The following PRKDC variants were observed in gnomAD, a reference collection of about 807,000 sequenced individuals.
The protein encoded by PRKDC is protein kinase, DNA-activated, catalytic subunit, also known as DNA-dependent protein kinase catalytic subunit.
PRKDC carries 82 observed loss-of-function variants against 486.9 expected under a neutral mutation model. The observed-to-expected ratio is 0.17, with a 90% CI of 0.14 to 0.20. PRKDC has a LOEUF of 0.20. PRKDC is among the 10% of genes least tolerant of loss of function. The pLI is 1.00. For missense variants in PRKDC, 4,504 were observed against 5,038.2 expected, an observed-to-expected ratio of 0.89 and a Z score of 3.21; for synonymous variants, 1,895 against 1,837.0, an observed-to-expected ratio of 1.03 and a Z score of -0.81.
chr8:47,855,725 C>T (rs912914316), intron 49 of PRKDC, among the ~76,000 whole-genome samples: 1 of 152,166 alleles, frequency 6.6e-6, no homozygotes, highest in Non-Finnish European at 1.5e-5. Flanking sequence ...AGGTGCTTTC[C>T]CCACTCCGAC....
At chr8:47,957,088 A>C in intron 3 of PRKDC, 83 bp downstream of exon 3, 1 of 931,330 alleles carries the variant, frequency 1.1e-6, no homozygotes, top group Non-Finnish European at 1.6e-6. Flanking sequence ...TTTATCTTTA[A>C]AATAAAAATC....
At chr8:47,945,522 T>C (rs1390487440) in intron 7 of PRKDC, among the ~76,000 whole-genome samples, 2 of 152,322 alleles carry the variant, frequency 1.3e-5, no homozygotes, top group African/African-American at 4.8e-5. Context: ...CGTGGCTGGC[T>C]TATTCCACTT....
chr8:47,952,695 TAAAAAGAAAA>T (rs1563821904), intron 7 of PRKDC, among the ~76,000 whole-genome samples: 1 of 149,862 alleles, frequency 6.7e-6, no homozygotes, highest in East Asian at 2.0e-4. Context: ...GTCTCAATTA[TAAAAAGAAAA>T]AAAAAGAATT....
intron 23 of PRKDC, among the ~76,000 whole-genome samples, chr8:47,914,735 A>G (rs1411923356): frequency 1.3e-5 from 2 of 150,486 alleles, no homozygotes; most frequent in Admixed American, 1.3e-4. Flanking sequence ...TGGGAGGCGG[A>G]GGTTGCAGTG....
intron 60 of PRKDC, among the ~76,000 whole-genome samples, chr8:47,831,187 C>T (rs902666254): frequency 6.6e-6 from 1 of 152,154 alleles, no homozygotes; most frequent in African/African-American, 2.4e-5. Context: ...CGGGAGGCCT[C>T]AGGCTCCACA....
At chr8:47,957,560 G>T (rs2090726321) in intron 1 of PRKDC, 129 bp from the exon 2 acceptor site, 4 of 735,208 alleles carry the variant, frequency 5.4e-6, no homozygotes, top group Non-Finnish European at 8.6e-6. Context: ...GCCCAGGCTG[G>T]AGTGCAGCGG....
At chr8:47,948,542 C>T (rs1366957242) in intron 7 of PRKDC, among the ~76,000 whole-genome samples, 4 of 151,288 alleles carry the variant, frequency 2.6e-5, no homozygotes, top group African/African-American at 4.9e-5. Flanking sequence ...TCACTGCAAC[C>T]TCCGCCTCCC....
At chr8:47,939,721 T>G in intron 10 of PRKDC, 24 bp from the exon 11 acceptor site, 1 of 1,528,710 alleles carries the variant, frequency 6.5e-7, no homozygotes, top group South Asian at 1.2e-5. Flanking sequence ...ATATTTATTT[T>G]TTTGGAAATA....
chr8:47,941,733 C>T lies in PRKDC; in HGVS notation c.966+1476G>A, dbSNP rs552995826. Among the ~76,000 whole-genome samples, 44 of 152,352 alleles carry T rather than the reference C, an allele frequency of 2.9e-4. No homozygotes were observed. The South Asian group carries it at 7.9e-3, about 27-fold the overall frequency. Reference sequence around the variant, plus strand: ...ATATTGCAAACTCCCAAACTTGCAACAGGCATCAGCCCTGAGGGCAGCATT... The same window carrying T: ...ATATTGCAAACTCCCAAACTTGCAATAGGCATCAGCCCTGAGGGCAGCATT... On this transcript the variant is annotated intron_variant, in intron 10 of 85. Transcript: ENST00000314191.
rs1404191059 is a variant in PRKDC at position 47,820,883 on chromosome 8, C to T, written c.9172G>A (p.Asp3058Asn). 6.2e-7 allele frequency: 1 copy of T among 1,610,364 alleles called. No individual in the cohort carries two copies. Among genetic ancestry groups the T allele is most frequent in the Non-Finnish European group, 8.5e-7 (1 of 1,177,694 alleles). ...TCAATAAATGTCAGCAGGGACTGGT[C>T]AGCCTCTCCCTGGAGCAGCAGCTTC... ...KLKLLLQGEA[D>N]QSLLTFIDKA... The change falls in exon 66 of 86, where the codon GAC becomes AAC. Residue 3058 changes from aspartate (D) to asparagine (N), a missense_variant. By Grantham distance (23) the Asp-to-Asn change is conservative (BLOSUM62 1). Transcript: ENST00000314191.
At chr8:47,876,450 T>A (rs1054603416) in intron 40 of PRKDC, among the ~76,000 whole-genome samples, 2 of 152,026 alleles carry the variant, frequency 1.3e-5, no homozygotes, top group Non-Finnish European at 2.9e-5. Context: ...TCATTTGAGG[T>A]CAGGAGTTCG....
At chr8:47,829,292 A>T (rs1319987228) in intron 61 of PRKDC, among the ~76,000 whole-genome samples, 3 of 152,210 alleles carry the variant, frequency 2.0e-5, no homozygotes, top group African/African-American at 7.2e-5. Context: ...TATAATGATA[A>T]TCCATTTTTG....
At position 47,777,852 on chromosome 8, in the gene PRKDC, A is replaced by G. The variant is rs1318243983; in HGVS notation, c.11876T>C (p.Met3959Thr). 3.1e-6 allele frequency: 5 copies of G among 1,613,918 alleles called. No homozygotes were observed. Among genetic ancestry groups the G allele is most frequent in the Non-Finnish European group, 4.2e-6 (5 of 1,179,898 alleles). The change falls in exon 84 of 86, where the codon ATG becomes ACG. Residue 3959 changes from methionine (M) to threonine (T), a missense_variant. By Grantham distance (81) the Met-to-Thr change is moderately conservative. Transcript: ENST00000314191. ...ATQFLPVPELMPFRLTRQFIN... is the reference protein window; with the variant it reads ...ATQFLPVPELTPFRLTRQFIN... Reference sequence around the variant, plus strand: ...AAACTGGCGAGTTAGCCGAAAAGGCATCAACTCAGGGACTGGCAGAAACTA... The same window carrying G: ...AAACTGGCGAGTTAGCCGAAAAGGCGTCAACTCAGGGACTGGCAGAAACTA...
intron 35 of PRKDC, among the ~76,000 whole-genome samples, chr8:47,886,937 A>G (rs963185757): frequency 2.0e-5 from 3 of 152,114 alleles, no homozygotes; most frequent in Non-Finnish European, 2.9e-5. Context: ...CCATCTGCCT[A>G]CCCCAGTGTT....
At chr8:47,906,464 T>C (rs147631249) in intron 25 of PRKDC, among the ~76,000 whole-genome samples, 20 of 148,746 alleles carry the variant, frequency 1.3e-4, no homozygotes, top group African/African-American at 4.6e-4. Flanking sequence ...TGAAACCTCT[T>C]CACTAATAAA....
At chr8:47,780,512 C>A (rs968935680) in intron 80 of PRKDC, among the ~76,000 whole-genome samples, 2 of 152,206 alleles carry the variant, frequency 1.3e-5, no homozygotes, top group Non-Finnish European at 2.9e-5. Flanking sequence ...AGAACAGTTT[C>A]ACGTGTGACT....
At chr8:47,934,167 TCAG>T in intron 14 of PRKDC, 77 bp from the exon 15 acceptor site, 1 of 1,469,938 alleles carries the variant, frequency 6.8e-7, no homozygotes, top group Non-Finnish European at 9.1e-7. Flanking sequence ...ATGCTGGTTT[TCAG>T]AATTTTCTAA....
intron 36 of PRKDC, among the ~76,000 whole-genome samples, chr8:47,883,865 G>C (rs1363259663): frequency 6.6e-6 from 1 of 152,202 alleles, no homozygotes; most frequent in African/African-American, 2.4e-5. Flanking sequence ...AGGTGCCTGA[G>C]CCCCTGGGCT....
At chr8:47,897,112 G>A (rs1460331785) in intron 30 of PRKDC, 49 bp downstream of exon 30, 1 of 1,497,590 alleles carries the variant, frequency 6.7e-7, no homozygotes, top group African/African-American at 1.4e-5. Flanking sequence ...TCTTTTAAAT[G>A]GGATAATAAA....
Sources: gnomAD v4.1 joint callset for allele counts (sites outside exome capture counted in the v4.1 genomes callset) on GRCh38, gnomAD v4.1.1 for gene constraint, MANE v1.5 for transcripts, NCBI Gene and HGNC (gene_info 2026-07-23, HGNC 2026-07-21) for gene names.